The following MBTD1 variants were observed in gnomAD, a reference collection of about 807,000 sequenced individuals.
The protein encoded by MBTD1 is MBT domain-containing protein 1.
In MBTD1, 24 loss-of-function variants were observed where a neutral mutation model predicts 87.8. That is an observed-to-expected ratio of 0.27 (90% CI 0.20 to 0.38). The LOEUF (loss-of-function observed/expected upper bound fraction) is 0.38, where lower values mean the gene tolerates loss of function less well. Ranked by LOEUF, MBTD1 falls within the 10% of genes least tolerant of loss-of-function variation. The pLI, the probability that MBTD1 is intolerant of heterozygous loss-of-function variation, is 1.00. For synonymous variants in MBTD1, 237 were observed against 248.6 expected (o/e 0.95, Z 0.44); for missense variants, 436 against 760.2 (o/e 0.57, Z 5.02).
upstream of MBTD1, chr17:51,260,918 G>T: frequency 6.3e-7 from 1 of 1,577,808 alleles, no homozygotes; most frequent in East Asian, 2.4e-5. Flanking sequence ...GCGTCTGCGA[G>T]GCCCGAGGGT....
chr17:51,239,025 T>C (rs1002603538), intron 2 of MBTD1, among the ~76,000 whole-genome samples: 5 of 151,844 alleles, frequency 3.3e-5, no homozygotes, highest in African/African-American at 1.2e-4. Flanking sequence ...GCTTGAACTT[T>C]GGAGGAGGAG....
chr17:51,245,055 C>T (rs1325318370), intron 2 of MBTD1, among the ~76,000 whole-genome samples: 1 of 152,086 alleles, frequency 6.6e-6, no homozygotes, highest in African/African-American at 2.4e-5. Context: ...CGTGTGCCAC[C>T]ACGCCCGGCT....
At chr17:51,188,393 G>A (rs1397798001) in intron 16 of MBTD1, among the ~76,000 whole-genome samples, 1 of 152,180 alleles carries the variant, frequency 6.6e-6, no homozygotes, top group Non-Finnish European at 1.5e-5. Flanking sequence ...AAGCTCATCA[G>A]CTGTTTCTGT....
At chr17:51,208,782 A>G (rs371430689) in intron 6 of MBTD1, among the ~76,000 whole-genome samples, 1 of 152,256 alleles carries the variant, frequency 6.6e-6, no homozygotes, top group East Asian at 1.9e-4. Flanking sequence ...TAAATGTGTC[A>G]TAGACTTTTA....
chr17:51,190,750 A>ATATATAT (rs1188320210), intron 16 of MBTD1, among the ~76,000 whole-genome samples: 1 of 39,714 alleles, frequency 2.5e-5, no homozygotes, highest in African/African-American at 1.5e-4. Flanking sequence ...AAAAAAAAAA[A>ATATATAT]ATATATATAT....
intron 12 of MBTD1, among the ~76,000 whole-genome samples, chr17:51,195,886 C>T (rs1273118013): frequency 6.6e-5 from 10 of 152,286 alleles, no homozygotes; most frequent in African/African-American, 2.4e-4. Context: ...TTCTTCACGC[C>T]TCAGAGACTG....
At chr17:51,193,884 G>A (rs1403319695) in intron 13 of MBTD1, among the ~76,000 whole-genome samples, 1 of 152,230 alleles carries the variant, frequency 6.6e-6, no homozygotes, top group Non-Finnish European at 1.5e-5. Context: ...GTCTCCCAAA[G>A]TGCTGGGATT....
In MBTD1 at chr17:51,206,784, A is replaced by AT. The variant is rs924122055; in HGVS notation, c.604+103dup. On this transcript the variant is annotated intron_variant, in intron 7 of 16. Transcript: ENST00000586178. ...CAACCCCTGCCCTATATCATAACAT[A>AT]TTTTTTATTTGGCAATACTTGCAAA... 9.4e-6 allele frequency: 7 copies of AT among 746,782 alleles called. No homozygotes were observed. In the African/African-American group the frequency reaches 1.2e-4, roughly 13 times the overall value. 46.3% of individuals were successfully genotyped at this position (746,782 alleles called of 1,614,324 possible). A position where few individuals can be genotyped will look rare whatever the true frequency, so the allele number is the denominator to read the frequency against.
At chr17:51,259,416 C>G (rs1253762035) in intron 1 of MBTD1, among the ~76,000 whole-genome samples, 1 of 152,162 alleles carries the variant, frequency 6.6e-6, no homozygotes, top group African/African-American at 2.4e-5. Context: ...AGATAGACAC[C>G]TTCCCCTGCA....
intron 2 of MBTD1, among the ~76,000 whole-genome samples, chr17:51,231,134 C>T (rs1188226550): frequency 3.3e-5 from 5 of 152,098 alleles, no homozygotes; most frequent in South Asian, 2.1e-4. Flanking sequence ...GATGGGGTTT[C>T]GCCATGTTGG....
intron 2 of MBTD1, among the ~76,000 whole-genome samples, chr17:51,252,283 T>C (rs1040325371): frequency 2.0e-5 from 3 of 152,164 alleles, no homozygotes; most frequent in Non-Finnish European, 4.4e-5. Flanking sequence ...ATATGAATCA[T>C]GGGACTATCT....
intron 2 of MBTD1, among the ~76,000 whole-genome samples, chr17:51,242,455 G>C (rs1178327941): frequency 6.6e-6 from 1 of 152,136 alleles, no homozygotes; most frequent in Non-Finnish European, 1.5e-5. Flanking sequence ...TTGGAGTTTA[G>C]TATTTCTTTG....
intron 2 of MBTD1, among the ~76,000 whole-genome samples, chr17:51,228,813 G>A (rs1330197584): frequency 6.8e-6 from 1 of 148,048 alleles, no homozygotes; most frequent in African/African-American, 2.5e-5. Context: ...AGGGAGAAAT[G>A]CTTGAACCCG....
At chr17:51,260,907 G>A (rs777487232), upstream of MBTD1, 14 of 1,590,744 alleles carry the variant, frequency 8.8e-6, no homozygotes, top group Non-Finnish European at 1.2e-5. Flanking sequence ...GCGTTGCTGC[G>A]GCGTCTGCGA....
chr17:51,239,968 T>C (rs1173008487), intron 2 of MBTD1, among the ~76,000 whole-genome samples: 4 of 152,212 alleles, frequency 2.6e-5, no homozygotes, highest in Non-Finnish European at 5.9e-5. Flanking sequence ...AAGATCTTCT[T>C]TTCTTCTTCA....
intron 5 of MBTD1, among the ~76,000 whole-genome samples, chr17:51,218,497 C>G (rs2052701195): frequency 7.1e-6 from 1 of 141,550 alleles, no homozygotes; most frequent in East Asian, 2.1e-4. Flanking sequence ...CCACTGAACT[C>G]TAGCCTGAGT....
At chr17:51,226,188 AAAAAC>A (rs1182637020) in intron 2 of MBTD1, among the ~76,000 whole-genome samples, 1 of 149,626 alleles carries the variant, frequency 6.7e-6, no homozygotes, top group Non-Finnish European at 1.5e-5. Context: ...AAAAACACAA[AAAAAC>A]AAAACAAAAC....
At chr17:51,196,765 C>A (rs2051131865) in intron 12 of MBTD1, among the ~76,000 whole-genome samples, 1 of 151,478 alleles carries the variant, frequency 6.6e-6, no homozygotes. Flanking sequence ...GCGGTGGGGG[C>A]CTGTAATCCC....
intron 2 of MBTD1, among the ~76,000 whole-genome samples, chr17:51,237,028 T>A (rs908157929): frequency 5.9e-5 from 9 of 151,920 alleles, no homozygotes; most frequent in African/African-American, 2.2e-4. Context: ...CCAGGCACGG[T>A]GGCTCACGTC....
Sources: gnomAD v4.1 joint callset for allele counts (sites outside exome capture counted in the v4.1 genomes callset) on GRCh38, gnomAD v4.1.1 for gene constraint, MANE v1.5 for transcripts, NCBI Gene and HGNC (gene_info 2026-07-23, HGNC 2026-07-21) for gene names.